The following PCBP3 variants were observed in gnomAD, a reference collection of about 807,000 sequenced individuals.
PCBP3 encodes poly(rC) binding protein 3, also known as poly(rC)-binding protein 3.
A neutral mutation model predicts 52.7 loss-of-function variants in PCBP3; 25 were observed. The ratio of observed to expected loss-of-function variants is 0.47; its 90% CI spans 0.35 to 0.66. The LOEUF is 0.66. Ranked by LOEUF, PCBP3 falls within the 30% of genes least tolerant of loss-of-function variation. PCBP3 has a pLI of 0.01. For missense variants in PCBP3, 391 were observed against 490.3 expected, an observed-to-expected ratio of 0.80 and a Z score of 1.91; for synonymous variants, 162 against 183.0, an observed-to-expected ratio of 0.89 and a Z score of 0.93.
chr21:45,777,513 G>A (rs188235098), intron 4 of PCBP3, among the ~76,000 whole-genome samples: 7 of 152,228 alleles, frequency 4.6e-5, no homozygotes, highest in Admixed American at 2.0e-4. Flanking sequence ...AGGTTTTCTA[G>A]TTCTGCCTTT....
chr21:45,807,848 T>G (rs1421547764), intron 4 of PCBP3, among the ~76,000 whole-genome samples: 3 of 151,652 alleles, frequency 2.0e-5, no homozygotes, highest in African/African-American at 7.3e-5. Context: ...CCAAAACAGA[T>G]AGATAGACCA....
intron 4 of PCBP3, among the ~76,000 whole-genome samples, chr21:45,823,217 C>T (rs892252591): frequency 1.6e-4 from 25 of 152,204 alleles, no homozygotes; most frequent in Admixed American, 7.2e-4. Context: ...CCCCATGACC[C>T]CTCAGGTCAG....
intron 4 of PCBP3, among the ~76,000 whole-genome samples, chr21:45,764,108 CT>C (rs72354257): frequency 2.7e-5 from 3 of 109,220 alleles, no homozygotes; most frequent in Non-Finnish European, 3.9e-5. Flanking sequence ...GTTTCTCATT[CT>C]TTTTTTTTTC....
At chr21:45,701,977 CCTT>C (rs2083158032) in intron 2 of PCBP3, among the ~76,000 whole-genome samples, 1 of 152,222 alleles carries the variant, frequency 6.6e-6, no homozygotes, top group Admixed American at 6.5e-5. Flanking sequence ...TCTCCTATGT[CCTT>C]CTGCATTAAT....
intron 2 of PCBP3, among the ~76,000 whole-genome samples, chr21:45,703,446 A>G (rs560164836): frequency 3.4e-4 from 52 of 152,348 alleles, no homozygotes; most frequent in Non-Finnish European, 6.8e-4. Context: ...CTCCTTGCAC[A>G]TCTCCATCAG....
At chr21:45,747,671 G>A (rs771680569) in intron 3 of PCBP3, among the ~76,000 whole-genome samples, 1 of 152,250 alleles carries the variant, frequency 6.6e-6, no homozygotes, top group Non-Finnish European at 1.5e-5. Context: ...CAGAGGCTGC[G>A]GTCTTGCCCT....
intron 6 of PCBP3, among the ~76,000 whole-genome samples, chr21:45,897,970 T>C (rs1431612973): frequency 6.6e-6 from 1 of 152,096 alleles, no homozygotes; most frequent in African/African-American, 2.4e-5. Flanking sequence ...GGGAGGAGGC[T>C]GCCGGAGGCT....
intron 4 of PCBP3, among the ~76,000 whole-genome samples, chr21:45,765,943 G>A (rs2089275884): frequency 6.6e-6 from 1 of 152,222 alleles, no homozygotes; most frequent in Non-Finnish European, 1.5e-5. Flanking sequence ...GAAGTCTCCT[G>A]GAGCCTGGAA....
intron 4 of PCBP3, among the ~76,000 whole-genome samples, chr21:45,842,148 T>C (rs1309323247): frequency 6.6e-6 from 1 of 152,246 alleles, no homozygotes; most frequent in East Asian, 1.9e-4. Context: ...CTGAGATACT[T>C]GAGGACTTAG....
At chr21:45,793,558 A>G (rs775723825) in intron 4 of PCBP3, among the ~76,000 whole-genome samples, 5 of 152,204 alleles carry the variant, frequency 3.3e-5, no homozygotes, top group Non-Finnish European at 5.9e-5. Flanking sequence ...CCCCGAGCAC[A>G]GAGCGCATCA....
At chr21:45,930,971 T>G in intron 15 of PCBP3, 126 bp downstream of exon 15, 1 of 1,363,302 alleles carries the variant, frequency 7.3e-7, no homozygotes, top group Non-Finnish European at 1.0e-6. Flanking sequence ...TGGGCCAGCC[T>G]CAGGTGCTGC....
intron 2 of PCBP3, among the ~76,000 whole-genome samples, chr21:45,721,803 A>G (rs1603323059): frequency 6.6e-6 from 1 of 152,282 alleles, no homozygotes; most frequent in South Asian, 2.1e-4. Flanking sequence ...ATGTATGTGC[A>G]TTGTTCTTTG....
intron 13 of PCBP3, chr21:45,919,005 G>C (rs1393774915): frequency 6.5e-6 from 1 of 152,914 alleles, no homozygotes; most frequent in African/African-American, 2.4e-5. Flanking sequence ...GACCCCTTAG[G>C]GGCCAAGAGA....
intron 8 of PCBP3, 74 bp from the exon 9 acceptor site, chr21:45,900,923 C>G (rs574371148): frequency 5.0e-6 from 5 of 995,238 alleles, no homozygotes; most frequent in Non-Finnish European, 6.5e-6. Context: ...CAATTGTCAA[C>G]GGACTTGCGG....
chr21:45,925,307 TAAC>T (rs962022425), intron 13 of PCBP3, among the ~76,000 whole-genome samples: 1 of 152,144 alleles, frequency 6.6e-6, no homozygotes, highest in African/African-American at 2.4e-5. Context: ...CAATGACCAC[TAAC>T]AACAAAGAAG....
chr21:45,864,563 C>T (rs8132119), intron 5 of PCBP3, among the ~76,000 whole-genome samples: 5 of 152,224 alleles, frequency 3.3e-5, no homozygotes, highest in East Asian at 1.9e-4. Context: ...TTCTGGTGAA[C>T]GTATTTTGGC....
At chr21:45,674,529 TTGCATATA>T (rs1186938636) in intron 2 of PCBP3, among the ~76,000 whole-genome samples, 1 of 152,182 alleles carries the variant, frequency 6.6e-6, no homozygotes, top group Non-Finnish European at 1.5e-5. Flanking sequence ...GAGGATTGCT[TTGCATATA>T]TGGCCCTTTC....
chr21:45,705,140 T>C (rs1257584730), intron 2 of PCBP3, among the ~76,000 whole-genome samples: 1 of 152,228 alleles, frequency 6.6e-6, no homozygotes, highest in Non-Finnish European at 1.5e-5. Flanking sequence ...ATCGTGTGGA[T>C]GCATCCTCTG....
intron 2 of PCBP3, among the ~76,000 whole-genome samples, chr21:45,711,063 G>A (rs559626148): frequency 1.2e-3 from 188 of 152,260 alleles, no homozygotes; most frequent in Non-Finnish European, 2.0e-3. Flanking sequence ...GGCTCATTTT[G>A]TGTATAGTAT....
Sources: allele counts gnomAD v4.1 joint callset (sites outside exome capture counted in the v4.1 genomes callset), GRCh38; gene constraint gnomAD v4.1.1; transcripts MANE v1.5; gene names NCBI Gene and HGNC (gene_info 2026-07-23, HGNC 2026-07-21).